The following BTN2A2 variants were observed in gnomAD, a reference collection of about 807,000 sequenced individuals.
BTN2A2 encodes the protein butyrophilin subfamily 2 member A2, also known as butyrophilin 2.
A neutral mutation model predicts 34.7 loss-of-function variants in BTN2A2; 29 were observed. That is an observed-to-expected ratio of 0.84 (90% confidence interval 0.62 to 1.14). BTN2A2 has a LOEUF of 1.14. Ranked by LOEUF, BTN2A2 falls within the 50% of genes most tolerant of loss-of-function variation. The probability of loss-of-function intolerance (pLI) is 0.00; values close to 1 mark genes in which losing one functional copy is unlikely to be tolerated. For missense variants in BTN2A2, 612 were observed against 651.5 expected (o/e 0.94, Z 0.66); for synonymous variants, 240 against 253.1 (o/e 0.95, Z 0.49).
chr6:26,384,832 G>A lies in BTN2A2; in HGVS notation c.95-183G>A, dbSNP rs961837931. On this transcript the variant is annotated intron_variant, in intron 2 of 7. Coordinates refer to ENST00000356709, the MANE Select transcript of BTN2A2 (RefSeq NM_006995.5). This position sits in a 1 kb window ranked among gnomAD's most constrained non-coding sequence, Gnocchi z 4.0. Reference sequence around the variant, plus strand: ...ACTGCTCCCAGGGGTTGGTGCTGCCGACCAGCCACAGCTACTGGTCCCCAG... The same window carrying A: ...ACTGCTCCCAGGGGTTGGTGCTGCCAACCAGCCACAGCTACTGGTCCCCAG... 1.3e-5 allele frequency among the ~76,000 whole-genome samples: 2 copies of A among 152,194 alleles called. No individual in the cohort carries two copies. The highest frequency in any genetic ancestry group is 6.5e-5 in the Admixed American group (1 of 15,282).
At position 26,385,135 on chromosome 6, in the gene BTN2A2, G is replaced by C; in HGVS notation, c.215G>C (p.Arg72Pro). Residue 72 changes from arginine to proline, a missense_variant, in exon 3 of 8, where the codon CGG becomes CCG. Physicochemically the swap from Arg to Pro is moderately radical, Grantham distance 103. Coordinates refer to ENST00000356709, the MANE Select transcript of BTN2A2 (RefSeq NM_006995.5). ...GAGGACATGGAGGTGCGGTGGTTCC[G>C]GTCTCAGTTCTCCCCCGCAGTGTTT... Reference protein sequence around the residue: ...NAEDMEVRWFRSQFSPAVFVY... With the variant: ...NAEDMEVRWFPSQFSPAVFVY... 6.2e-7 allele frequency: 1 copy of C among 1,613,882 alleles called. No homozygotes were observed. Among genetic ancestry groups the C allele is most frequent in the Non-Finnish European group, 8.5e-7 (1 of 1,179,980 alleles).
chr6:26,389,356 T>A (rs1761424488), intron 4 of BTN2A2, among the ~76,000 whole-genome samples: 1 of 152,020 alleles, frequency 6.6e-6, no homozygotes, highest in Middle Eastern at 3.2e-3. Flanking sequence ...CAAGGAACCA[T>A]CAGATGCTTA....
In BTN2A2 at chr6:26,383,272, G is replaced by C. The variant is rs1760968016; in HGVS notation, c.-31+91G>C. On this transcript the variant is annotated intron_variant, in intron 1 of 7. Transcript: ENST00000356709. This position sits in a 1 kb window ranked among gnomAD's most constrained non-coding sequence, Gnocchi z 4.4. ...GAGTTGTATCGGAAAATCGTCATGT[G>C]AGGATCAGAGGGGAAAAGAAAACAG... 1 of 146,638 alleles carries C rather than the reference G, an allele frequency of 6.8e-6. No individual in the cohort carries two copies. Among genetic ancestry groups the C allele is most frequent in the Non-Finnish European group, 1.4e-5 (1 of 69,204 alleles). 9.1% of individuals were successfully genotyped at this position (146,638 alleles called of 1,614,324 possible).
rs1396978299 is a variant in BTN2A2, at chr6:26,392,372, C to T, written c.980-3C>T. Reference sequence around the variant, plus strand: ...AGGCATAAACCTGAGACTTCCTCTGCAGCTGATGTGGTCCTGGATCCAGAC... The same window carrying T: ...AGGCATAAACCTGAGACTTCCTCTGTAGCTGATGTGGTCCTGGATCCAGAC... On this transcript the variant is annotated splice_region_variant and splice_polypyrimidine_tract_variant and intron_variant, in intron 7 of 7. Transcript: ENST00000356709. The T allele has an allele frequency of 6.2e-7, 1 of 1,613,992 alleles. No homozygotes were observed. Among genetic ancestry groups the T allele is most frequent in the Admixed American group, 1.7e-5 (1 of 60,006 alleles).
intron 6 of BTN2A2, 31 bp from the exon 7 acceptor site, chr6:26,390,772 C>T (rs371166406): frequency 7.8e-5 from 126 of 1,614,134 alleles, no homozygotes; most frequent in Non-Finnish European, 9.7e-5. Context: ...AGCAGTGTCT[C>T]GTGACATTCA....
rs1761783723 is a variant in BTN2A2, at chr6:26,394,867, A to C, written c.*1900A>C. On this transcript the variant is annotated 3_prime_UTR_variant, in exon 8 of 8. Coordinates refer to ENST00000356709, the MANE Select transcript of BTN2A2 (RefSeq NM_006995.5). The stretch of plus-strand genomic sequence containing the variant: ...AGAACCCTGACTAATAAAATGAGGC[A>C]TCTAAAATTCTAGCTTGAATGGTAG... 2.0e-5 allele frequency: 3 copies of C among 152,328 alleles called. No individual in the cohort carries two copies. The highest frequency in any genetic ancestry group is 2.0e-4 in the Admixed American group (3 of 15,288). 9.4% of individuals were successfully genotyped at this position (152,328 alleles called of 1,614,324 possible).
At position 26,393,006 on chromosome 6, in the gene BTN2A2, T is replaced by C. The variant is rs755822350; in HGVS notation, c.*39T>C. 9 of 1,613,824 alleles carry C rather than the reference T, an allele frequency of 5.6e-6. No homozygotes were observed. Among genetic ancestry groups the C allele is most frequent in the South Asian group, 1.1e-5 (1 of 91,054 alleles). The stretch of plus-strand genomic sequence containing the variant: ...GACTCACAGCCATGCAGATAAGCCC[T>C]GGCCATCTCAGCAGCCACCGCACAA... On this transcript the variant is annotated 3_prime_UTR_variant, in exon 8 of 8. Transcript: ENST00000356709.
In BTN2A2 at chr6:26,394,535, G is replaced by A. The variant is rs1159383501; in HGVS notation, c.*1568G>A. 2.0e-6 allele frequency: 1 copy of A among 508,504 alleles called. No homozygotes were observed. Among genetic ancestry groups the A allele is most frequent in the Non-Finnish European group, 3.5e-6 (1 of 286,556 alleles). 31.5% of individuals were successfully genotyped at this position (508,504 alleles called of 1,614,324 possible). A position where few individuals can be genotyped will look rare whatever the true frequency, so the allele number is the denominator to read the frequency against. ...GGACATCAGAACTCCTGGCTCTCCG[G>A]CCTTTGAACTTCAGGACTTGTACCA... On this transcript the variant is annotated 3_prime_UTR_variant, in exon 8 of 8. Transcript: ENST00000356709.
In BTN2A2 at chr6:26,385,295, G is replaced by T. The variant is rs1761121135; in HGVS notation, c.375G>T (p.Gly125=). 1.2e-6 allele frequency: 2 copies of T among 1,614,166 alleles called. No individual in the cohort carries two copies. The highest frequency in any genetic ancestry group is 1.7e-6 in the Non-Finnish European group (2 of 1,180,032). ...VIHNVTAQEN[G]IYRCYFQEGR... The stretch of plus-strand genomic sequence containing the variant: ...ATAACGTCACAGCCCAGGAGAATGG[G>T]ATCTACCGCTGTTACTTCCAAGAAG... The change falls in exon 3 of 8, where the codon GGG becomes GGT. Residue 125 remains glycine, a synonymous_variant. Transcript: ENST00000356709.
chr6:26,384,053 A>C lies in BTN2A2; in HGVS notation c.94+138A>C. The C allele has an allele frequency of 9.8e-7, 1 of 1,018,916 alleles. No individual in the cohort carries two copies. The highest frequency in any genetic ancestry group is 1.5e-6 in the Non-Finnish European group (1 of 670,644). The allele number at this position is 1,018,916 out of a possible 1,614,324, so 63.1% of individuals were successfully genotyped here. ...TGAACATGTTCACTGAATTTATACC[A>C]GCACTGTCCAAAAGAAACACAGTGA... On this transcript the variant is annotated intron_variant, in intron 2 of 7. Transcript: ENST00000356709. This position sits in a 1 kb window ranked among gnomAD's most constrained non-coding sequence, Gnocchi z 4.0.
rs752035726 is a variant in BTN2A2 at position 26,385,175 on chromosome 6, G to A, written c.255G>A (p.Gly85=). The A allele has an allele frequency of 8.7e-6, 14 of 1,613,890 alleles. No homozygotes were observed. Among genetic ancestry groups the A allele is most frequent in the Middle Eastern group, 1.6e-4 (1 of 6,084 alleles). The part of the protein sequence containing the change: ...FSPAVFVYKG[G]RERTEEQMEE... ...CCGCAGTGTTTGTGTATAAGGGTGGGAGAGAGAGAACAGAGGAGCAGATGG... is the reference window on the plus strand; with the variant it reads ...CCGCAGTGTTTGTGTATAAGGGTGGAAGAGAGAGAACAGAGGAGCAGATGG... Residue 85 remains glycine (G), a synonymous_variant, in exon 3 of 8, where the codon GGG becomes GGA. Coordinates refer to ENST00000356709, the MANE Select transcript of BTN2A2 (RefSeq NM_006995.5).
At position 26,383,916 on chromosome 6, in the gene BTN2A2, G is replaced by A. The variant is rs1761020506; in HGVS notation, c.94+1G>A. Reference sequence around the variant, plus strand: ...CTCAGCCTGTGTGCACTGGTCTCAGGTAGGGATGTGTGTCACTTGCTGCTG... The same window carrying A: ...CTCAGCCTGTGTGCACTGGTCTCAGATAGGGATGTGTGTCACTTGCTGCTG... On this transcript the variant is annotated splice_donor_variant, in intron 2 of 7. Transcript: ENST00000356709. LOFTEE classifies it high-confidence loss of function. The surrounding 1 kb of genome is among the most constrained non-coding windows in gnomAD (Gnocchi z 4.4). 6.2e-7 allele frequency: 1 copy of A among 1,613,160 alleles called. No individual in the cohort carries two copies.
rs750614793 is a variant in BTN2A2 at position 26,390,207 on chromosome 6, T to C, written c.927T>C (p.Ile309=). The part of the protein sequence containing the change: ...EKKVEQEEKE[I]AQQLQEELRW... The stretch of plus-strand genomic sequence containing the variant: ...AAGTTGAACAAGAGGAAAAAGAAAT[T>C]GCACGTAAGGAATTTGTAAAGAAAG... The change falls in exon 5 of 8, where the codon ATT becomes ATC. Residue 309 remains isoleucine (I), a synonymous_variant. Coordinates refer to ENST00000356709, the MANE Select transcript of BTN2A2 (RefSeq NM_006995.5). 6 of 1,613,426 alleles carry C rather than the reference T, an allele frequency of 3.7e-6. No homozygotes were observed. The African/African-American group carries it at 8.0e-5, about 22-fold the overall frequency.
chr6:26,390,389 T>TAA (rs1391181705), intron 5 of BTN2A2, 178 bp downstream of exon 5: 21 of 709,700 alleles, frequency 3.0e-5, no homozygotes, highest in Non-Finnish European at 4.6e-5. Flanking sequence ...TCTCATGTCA[T>TAA]AAGAAGTAAT....
chr6:26,389,558 CT>C (rs934825556), intron 4 of BTN2A2, among the ~76,000 whole-genome samples: 26 of 152,154 alleles, frequency 1.7e-4, no homozygotes, highest in African/African-American at 6.0e-4. Context: ...CACAAACAGG[CT>C]TTGGCTTTTA....
Position 26,383,946 on chromosome 6 carries a change from C to G in BTN2A2, c.94+31C>G, listed in dbSNP as rs779099558. ...GATGTGTGTCACTTGCTGCTGTCACCTCTCAGAAAGGAACATCAACCCTGT... is the reference window on the plus strand; with the variant it reads ...GATGTGTGTCACTTGCTGCTGTCACGTCTCAGAAAGGAACATCAACCCTGT... On this transcript the variant is annotated intron_variant, in intron 2 of 7. Coordinates refer to ENST00000356709, the MANE Select transcript of BTN2A2 (RefSeq NM_006995.5). This position sits in a 1 kb window ranked among gnomAD's most constrained non-coding sequence, Gnocchi z 4.4. The G allele has an allele frequency of 1.3e-6, 2 of 1,597,204 alleles. No homozygotes were observed. The highest frequency in any genetic ancestry group is 8.6e-7 in the Non-Finnish European group (1 of 1,164,644).
chr6:26,385,134 C>T lies in BTN2A2; in HGVS notation c.214C>T (p.Arg72Trp), dbSNP rs773988420. Residue 72 changes from arginine (R) to tryptophan (W), a missense_variant, in exon 3 of 8, where the codon CGG becomes TGG. Transcript: ENST00000356709. The stretch of plus-strand genomic sequence containing the variant: ...TGAGGACATGGAGGTGCGGTGGTTC[C>T]GGTCTCAGTTCTCCCCCGCAGTGTT... ...NAEDMEVRWFRSQFSPAVFVY... is the reference protein window; with the variant it reads ...NAEDMEVRWFWSQFSPAVFVY... The T allele has an allele frequency of 3.1e-6, 5 of 1,613,942 alleles. No individual in the cohort carries two copies. Among genetic ancestry groups the T allele is most frequent in the South Asian group, 1.1e-5 (1 of 91,052 alleles).
chr6:26,391,891 C>A (rs774075532), intron 7 of BTN2A2: 25 of 277,998 alleles, frequency 9.0e-5, no homozygotes, highest in Admixed American at 2.0e-4. Context: ...ACCTATAGGA[C>A]CAACGAAGAG....
chr6:26,388,322 C>G (rs375021531), intron 4 of BTN2A2, 28 bp downstream of exon 4: 5 of 1,608,876 alleles, frequency 3.1e-6, no homozygotes, highest in Non-Finnish European at 8.5e-7. Flanking sequence ...TGAGACCTAT[C>G]AAGTGTATGC....
Sources: gnomAD v4.1 joint callset for allele counts (sites outside exome capture counted in the v4.1 genomes callset) on GRCh38, gnomAD v4.1.1 for gene constraint, Gnocchi (gnomAD v3.1) non-coding constraint, MANE v1.5 for transcripts, NCBI Gene and HGNC (gene_info 2026-07-23, HGNC 2026-07-21) for gene names.